The following NXPE2 variants were observed in gnomAD, a reference collection of about 807,000 sequenced individuals.
The protein encoded by NXPE2 is NXPE family member 2.
NXPE2 carries 34 observed loss-of-function variants against 34.4 expected under a neutral mutation model. The ratio of observed to expected loss-of-function variants is 0.99; its 90% CI spans 0.75 to 1.31. NXPE2 has a LOEUF of 1.31. Among genes scored for constraint, NXPE2 ranks in the 40% most tolerant of loss-of-function variants. The pLI is 0.00. For missense variants in NXPE2, 649 were observed against 672.5 expected (o/e 0.97, Z 0.39); for synonymous variants, 235 against 231.3 (o/e 1.02, Z -0.15).
At chr11:114,811,694 A>T in the NXPE2 span, among the ~76,000 whole-genome samples, 2 of 152,202 alleles carry the variant, frequency 1.3e-5, no homozygotes, top group Admixed American at 1.3e-4. Flanking sequence ...GGGACACAAG[A>T]GTATCAGCAA....
chr11:114,791,828 G>A, the NXPE2 span, among the ~76,000 whole-genome samples: 5,463 of 152,204 alleles, frequency 0.036, 195 homozygotes, highest in South Asian at 0.065. Context: ...AGGCCGAGGC[G>A]GGCGGATCAC....
intron 5 of NXPE2, 84 bp from the exon 6 acceptor site, chr11:114,706,311 T>A: frequency 8.4e-7 from 1 of 1,191,670 alleles, no homozygotes; most frequent in Admixed American, 2.8e-5. Flanking sequence ...GTGATCTTGG[T>A]TAGAATTTTA....
the NXPE2 span, among the ~76,000 whole-genome samples, chr11:114,619,656 A>T: frequency 6.6e-6 from 1 of 151,950 alleles, no homozygotes; most frequent in Non-Finnish European, 1.5e-5. Flanking sequence ...TGTGGATAAT[A>T]AGTGTTGCCT....
At chr11:114,796,244 T>C in the NXPE2 span, among the ~76,000 whole-genome samples, 1 of 152,294 alleles carries the variant, frequency 6.6e-6, no homozygotes, top group Admixed American at 6.5e-5. Context: ...TATTGCATAA[T>C]GATGGGGTCT....
chr11:114,810,872 TAA>T, the NXPE2 span, among the ~76,000 whole-genome samples: 2 of 152,122 alleles, frequency 1.3e-5, no homozygotes, highest in African/African-American at 4.8e-5. Context: ...CATGCTGCTA[TAA>T]AGACACATGC....
chr11:114,800,410 C>T, the NXPE2 span, among the ~76,000 whole-genome samples: 7 of 152,156 alleles, frequency 4.6e-5, no homozygotes, highest in African/African-American at 1.4e-4. Context: ...AAGGTAGTAG[C>T]GAAGGTTAGA....
chr11:114,475,238 T>TTTTTTTTTTTTTTTTTG, the NXPE2 span, among the ~76,000 whole-genome samples: 1 of 28,782 alleles, frequency 3.5e-5, no homozygotes, highest in Non-Finnish European at 6.1e-5. Context: ...TTTTTTTTTT[T>TTTTTTTTTTTTTTTTTG]TTTTTTTTTT....
the NXPE2 span, among the ~76,000 whole-genome samples, chr11:114,465,712 C>T: frequency 6.6e-6 from 1 of 152,056 alleles, no homozygotes; most frequent in Non-Finnish European, 1.5e-5. Flanking sequence ...TAACATAGTC[C>T]CAGCTACTTG....
chr11:114,797,490 T>C, the NXPE2 span, among the ~76,000 whole-genome samples: 1 of 152,042 alleles, frequency 6.6e-6, no homozygotes, highest in Non-Finnish European at 1.5e-5. Flanking sequence ...GGTCACGAGG[T>C]CCTCAGTTCA....
the NXPE2 span, among the ~76,000 whole-genome samples, chr11:114,668,713 T>C: frequency 6.6e-6 from 1 of 150,700 alleles, no homozygotes; most frequent in African/African-American, 2.4e-5. Flanking sequence ...CTTCATAAAA[T>C]ATTAATAAGT....
chr11:114,485,844 G>A, the NXPE2 span, among the ~76,000 whole-genome samples: 36 of 152,070 alleles, frequency 2.4e-4, no homozygotes, highest in African/African-American at 6.5e-4. Flanking sequence ...TGTTTTTTAC[G>A]GCTAAATAGT....
chr11:114,758,163 T>G, the NXPE2 span, among the ~76,000 whole-genome samples: 1 of 121,280 alleles, frequency 8.2e-6, no homozygotes. Context: ...ACACTATGAC[T>G]TCTTCTCCGT....
chr11:114,728,534 C>T, the NXPE2 span, among the ~76,000 whole-genome samples: 5,755 of 152,142 alleles, frequency 0.038, 370 homozygotes, highest in African/African-American at 0.13. Flanking sequence ...CAAAACACAT[C>T]AGTTAAACTG....
At chr11:114,789,977 G>A in the NXPE2 span, among the ~76,000 whole-genome samples, 2 of 152,208 alleles carry the variant, frequency 1.3e-5, no homozygotes, top group African/African-American at 4.8e-5. Flanking sequence ...AGAAGGCCAT[G>A]CAGGGAATTC....
the NXPE2 span, among the ~76,000 whole-genome samples, chr11:114,601,460 A>T: frequency 1.6e-5 from 2 of 122,614 alleles, no homozygotes; most frequent in African/African-American, 6.1e-5. Flanking sequence ...TATATTATAT[A>T]TAATATAAAA....
intron 3 of NXPE2, among the ~76,000 whole-genome samples, chr11:114,700,651 T>C (rs1373756309): frequency 6.6e-6 from 1 of 152,118 alleles, no homozygotes; most frequent in Admixed American, 6.5e-5. Flanking sequence ...CTGAGAAAGT[T>C]CTGAATAACT....
chr11:114,627,736 A>C, the NXPE2 span, among the ~76,000 whole-genome samples: 1 of 152,334 alleles, frequency 6.6e-6, no homozygotes, highest in Non-Finnish European at 1.5e-5. Context: ...AATTGGTTAA[A>C]GAGTCAAGAC....
chr11:114,625,563 A>G, the NXPE2 span, among the ~76,000 whole-genome samples: 5 of 152,112 alleles, frequency 3.3e-5, no homozygotes, highest in Non-Finnish European at 7.4e-5. Flanking sequence ...CCGGTGGATA[A>G]TAAGTATTGC....
the NXPE2 span, chr11:114,582,725 C>T: frequency 6.2e-7 from 1 of 1,614,202 alleles, no homozygotes; most frequent in Non-Finnish European, 8.5e-7. Context: ...CGCCATATTG[C>T]TTCCTGCGTC....
Sources: gnomAD v4.1 joint callset for allele counts (sites outside exome capture counted in the v4.1 genomes callset) on GRCh38, gnomAD v4.1.1 for gene constraint, MANE v1.5 for transcripts, NCBI Gene and HGNC (gene_info 2026-07-23, HGNC 2026-07-21) for gene names.